KATNIP: variants seen among roughly 807,000 people sequenced by gnomAD.
KATNIP encodes the protein katanin interacting protein, also known as katanin-interacting protein.
KATNIP carries 126 observed loss-of-function variants against 174.0 expected under a neutral mutation model. The observed-to-expected ratio is 0.72, with a 90% CI of 0.63 to 0.84. The LOEUF (loss-of-function observed/expected upper bound fraction) is 0.84, where lower values mean the gene tolerates loss of function less well. Among genes scored for constraint, KATNIP ranks in the 40% least tolerant of loss-of-function variants. The pLI is 0.00. For synonymous variants in KATNIP, 810 were observed against 835.7 expected, an observed-to-expected ratio of 0.97 and a Z score of 0.53; for missense variants, 1,958 against 2,109.7, an observed-to-expected ratio of 0.93 and a Z score of 1.41.
At chr16:27,717,698 C>T (rs1440340059) in intron 13 of KATNIP, among the ~76,000 whole-genome samples, 2 of 152,182 alleles carry the variant, frequency 1.3e-5, no homozygotes, top group African/African-American at 4.8e-5. Flanking sequence ...CCTAGCACTT[C>T]AGGGCATGCT....
intron 2 of KATNIP, among the ~76,000 whole-genome samples, chr16:27,596,913 C>G (rs1432820458): frequency 6.6e-6 from 1 of 152,174 alleles, no homozygotes; most frequent in Non-Finnish European, 1.5e-5. Flanking sequence ...ATCCCAGCTA[C>G]TGGGGAGGCT....
chr16:27,713,725 G>A (rs56664064), intron 13 of KATNIP, among the ~76,000 whole-genome samples: 21 of 109,662 alleles, frequency 1.9e-4, no homozygotes, highest in East Asian at 7.4e-4. Flanking sequence ...ATATGTGTGT[G>A]TATTATATAC....
At chr16:27,705,147 G>C (rs2079252794) in intron 12 of KATNIP, among the ~76,000 whole-genome samples, 1 of 152,068 alleles carries the variant, frequency 6.6e-6, no homozygotes, top group South Asian at 2.1e-4. Flanking sequence ...CTGGCCTCAA[G>C]TGATCCACCC....
At chr16:27,665,924 GTTTCCT>G (rs990161656) in intron 6 of KATNIP, among the ~76,000 whole-genome samples, 2 of 152,120 alleles carry the variant, frequency 1.3e-5, no homozygotes, top group African/African-American at 2.4e-5. Context: ...TTAATCTGCA[GTTTCCT>G]TTTCCTTTAG....
intron 6 of KATNIP, among the ~76,000 whole-genome samples, chr16:27,653,079 T>C (rs949328138): frequency 2.0e-5 from 3 of 152,150 alleles, no homozygotes; most frequent in African/African-American, 7.2e-5. Flanking sequence ...GAGATAATTA[T>C]TGTGAGTAGA....
intron 2 of KATNIP, among the ~76,000 whole-genome samples, chr16:27,596,647 T>C (rs1169327802): frequency 6.6e-6 from 1 of 152,326 alleles, no homozygotes; most frequent in East Asian, 1.9e-4. Flanking sequence ...TGTTTTGCAA[T>C]AGGCTGTTTT....
intron 5 of KATNIP, among the ~76,000 whole-genome samples, chr16:27,644,019 C>CTT (rs34902124): frequency 2.9e-5 from 3 of 102,496 alleles, no homozygotes; most frequent in African/African-American, 7.4e-5. Context: ...GAGACATAAT[C>CTT]TTTTTTTTTT....
In KATNIP at chr16:27,573,893, T is replaced by C. The variant is rs750703302; in HGVS notation, c.8-8T>C. The stretch of plus-strand genomic sequence containing the variant: ...CTTAATCTTGGTTCTGCTTTTGAAC[T>C]GCGACAGGTCAGACTCTGCGAAAGG... On this transcript the variant is annotated splice_polypyrimidine_tract_variant and splice_region_variant and intron_variant, in intron 1 of 27. Coordinates refer to ENST00000261588, the MANE Select transcript of KATNIP (RefSeq NM_015202.5). 1 of 1,614,106 alleles carries C rather than the reference T, an allele frequency of 6.2e-7. No individual in the cohort carries two copies. Among genetic ancestry groups the C allele is most frequent in the Non-Finnish European group, 8.5e-7 (1 of 1,179,976 alleles).
At chr16:27,638,350 A>G (rs1279693158) in intron 5 of KATNIP, among the ~76,000 whole-genome samples, 1 of 152,230 alleles carries the variant, frequency 6.6e-6, no homozygotes, top group Non-Finnish European at 1.5e-5. Context: ...GTCATGAGGA[A>G]GACAGGCTGG....
chr16:27,749,466 G>T (rs1379504756), intron 15 of KATNIP, 118 bp from the exon 16 acceptor site: 8 of 1,217,622 alleles, frequency 6.6e-6, no homozygotes, highest in Non-Finnish European at 7.9e-6. Context: ...TTTCTAGAGG[G>T]CTCCCCTGGA....
chr16:27,769,136 C>A (rs1020305291), intron 20 of KATNIP, among the ~76,000 whole-genome samples: 8 of 152,238 alleles, frequency 5.3e-5, no homozygotes, highest in African/African-American at 1.9e-4. Flanking sequence ...CCACGTGAAT[C>A]CTGCAAGCTC....
intron 14 of KATNIP, 84 bp from the exon 15 acceptor site, chr16:27,739,956 CT>C (rs1567374808): frequency 7.1e-7 from 1 of 1,414,756 alleles, no homozygotes; most frequent in Non-Finnish European, 9.6e-7. Flanking sequence ...ATTTTCTTTT[CT>C]TTTTTTGGTA....
Sources: gnomAD v4.1 joint callset for allele counts (sites outside exome capture counted in the v4.1 genomes callset) on GRCh38, gnomAD v4.1.1 for gene constraint, MANE v1.5 for transcripts, NCBI Gene and HGNC (gene_info 2026-07-23, HGNC 2026-07-21) for gene names.